The following NFU1 variants were observed in gnomAD, a reference collection of about 807,000 sequenced individuals.
NFU1 encodes NFU1 iron-sulfur cluster scaffold homolog, mitochondrial.
NFU1 carries 30 observed loss-of-function variants against 32.2 expected under a neutral mutation model. That is an observed-to-expected ratio of 0.93 (90% CI 0.70 to 1.26). The LOEUF is 1.26. Among genes scored for constraint, NFU1 ranks in the 50% most tolerant of loss-of-function variants. NFU1 has a pLI of 0.00. For missense variants in NFU1, 306 were observed against 306.6 expected (o/e 1.00, Z 0.02); for synonymous variants, 112 against 104.6 (o/e 1.07, Z -0.43).
chr2:69,427,397 G>C (rs1673496113), intron 2 of NFU1, among the ~76,000 whole-genome samples: 1 of 135,882 alleles, frequency 7.4e-6, no homozygotes, highest in East Asian at 2.2e-4. Flanking sequence ...AAAAAAAATA[G>C]AAGGCCAGGC....
rs114945138 is a variant in NFU1, at chr2:69,419,409, G to A, written c.369+129C>T. 3,110 of 644,754 alleles carry A rather than the reference G, an allele frequency of 4.8e-3. 67 individuals are homozygous for A. In the African/African-American group the frequency reaches 0.051, roughly 11 times the overall value. 39.9% of individuals were successfully genotyped at this position (644,754 alleles called of 1,614,324 possible). The stretch of plus-strand genomic sequence containing the variant: ...TGACATTTAGAGGACAAGAGAGTAA[G>A]ACCCTGTCTCAAAAATAAAATATAA... On this transcript the variant is annotated intron_variant, in intron 4 of 7. Coordinates refer to ENST00000410022, the MANE Select transcript of NFU1 (RefSeq NM_001002755.4).
intron 6 of NFU1, among the ~76,000 whole-genome samples, chr2:69,404,974 C>T (rs183370044): frequency 3.8e-4 from 57 of 151,884 alleles, no homozygotes; most frequent in Admixed American, 1.1e-3. Flanking sequence ...CTTGGCTGGG[C>T]GCAGTGGCTC....
intron 2 of NFU1, among the ~76,000 whole-genome samples, chr2:69,425,957 T>C (rs1216272220): frequency 2.0e-5 from 3 of 152,170 alleles, no homozygotes; most frequent in Non-Finnish European, 4.4e-5. Flanking sequence ...AATTACTTCC[T>C]GGAATATTTA....
intron 1 of NFU1, 96 bp from the exon 2 acceptor site, chr2:69,432,101 T>C: frequency 1.3e-6 from 1 of 764,360 alleles, no homozygotes; most frequent in Admixed American, 2.2e-5. Flanking sequence ...CTATGTAAAA[T>C]TTAAACATAA....
intron 1 of NFU1, among the ~76,000 whole-genome samples, chr2:69,436,195 A>G (rs184737741): frequency 9.7e-4 from 148 of 152,256 alleles, no homozygotes; most frequent in Middle Eastern, 3.4e-3. Flanking sequence ...CATCTCTACA[A>G]TGAGATTAGT....
rs373601321 is a variant in NFU1 at position 69,399,723 on chromosome 2, T to G, written c.720+641A>C. ...TGTGTTACATTTTAAACCTTTTTCA[T>G]AATTTTTGTGCAATCAGGGCAGCAA... is the stretch of plus-strand genomic sequence containing the variant. On this transcript the variant is annotated intron_variant, in intron 7 of 7. Transcript: ENST00000410022. 9.5e-4 allele frequency among the ~76,000 whole-genome samples: 144 copies of G among 152,288 alleles called. 2 individuals are homozygous for G. In the South Asian group the frequency reaches 0.028, roughly 29 times the overall value.
rs142553805 is a variant in NFU1, at chr2:69,415,272, G to A, written c.397C>T (p.Leu133=). 5.0e-6 allele frequency: 8 copies of A among 1,608,804 alleles called. No individual in the cohort carries two copies. The highest frequency in any genetic ancestry group is 6.8e-6 in the Non-Finnish European group (8 of 1,175,548). ...ATTGTTGCATAAATATCTGGTTTCAGTAAATTCCAGTCTAATTCTTCATTT... is the reference window on the plus strand; with the variant it reads ...ATTGTTGCATAAATATCTGGTTTCAATAAATTCCAGTCTAATTCTTCATTT... The part of the protein sequence containing the change: ...KENEELDWNL[L]KPDIYATIMD... The change falls in exon 5 of 8, where the codon CTG becomes TTG. Residue 133 remains leucine, a synonymous_variant. Coordinates refer to ENST00000410022, the MANE Select transcript of NFU1 (RefSeq NM_001002755.4).
chr2:69,411,269 A>C (rs1187534503), intron 5 of NFU1: 1 of 152,230 alleles, frequency 6.6e-6, no homozygotes, highest in Admixed American at 6.5e-5. Flanking sequence ...ATATGACAGT[A>C]TCTTTGTGAT....
intron 2 of NFU1, 29 bp downstream of exon 2, chr2:69,431,873 C>T (rs1673649909): frequency 4.5e-6 from 6 of 1,335,824 alleles, no homozygotes; most frequent in East Asian, 2.3e-5. Context: ...TTCTGAAACA[C>T]AACTGCTATA....
chr2:69,407,380 G>C (rs1672730078), intron 5 of NFU1, among the ~76,000 whole-genome samples: 1 of 152,072 alleles, frequency 6.6e-6, no homozygotes, highest in African/African-American at 2.4e-5. Flanking sequence ...TATTAACATT[G>C]AGTTTTTTAA....
At chr2:69,408,468 C>A (rs1672769900) in intron 5 of NFU1, among the ~76,000 whole-genome samples, 1 of 151,998 alleles carries the variant, frequency 6.6e-6, no homozygotes, top group African/African-American at 2.4e-5. Flanking sequence ...ACCTGTAATC[C>A]CAGCACTTTG....
At chr2:69,437,841 T>C (rs777595284), upstream of NFU1, among the ~76,000 whole-genome samples, 1 of 152,202 alleles carries the variant, frequency 6.6e-6, no homozygotes, top group African/African-American at 2.4e-5. Flanking sequence ...CCCTGGAGCA[T>C]TCCTTCTAAA....
intron 4 of NFU1, among the ~76,000 whole-genome samples, chr2:69,417,001 TG>T (rs1190332536): frequency 1.3e-5 from 2 of 152,134 alleles, no homozygotes; most frequent in Non-Finnish European, 2.9e-5. Flanking sequence ...TCTTAGTGAT[TG>T]GGAATGGAAA....
At chr2:69,437,530 C>T (rs746343158), upstream of NFU1, 20 of 1,399,876 alleles carry the variant, frequency 1.4e-5, no homozygotes, top group Non-Finnish European at 1.8e-5. Flanking sequence ...ACCCTACCGG[C>T]TGCGGGCGGT....
At chr2:69,418,792 C>T (rs1673144942) in intron 4 of NFU1, among the ~76,000 whole-genome samples, 1 of 152,062 alleles carries the variant, frequency 6.6e-6, no homozygotes, top group African/African-American at 2.4e-5. Flanking sequence ...CTTTTAAGGA[C>T]ATAAAGAGCT....
chr2:69,408,724 A>C (rs2104755793), intron 5 of NFU1, among the ~76,000 whole-genome samples: 1 of 142,408 alleles, frequency 7.0e-6, no homozygotes, highest in South Asian at 2.2e-4. Flanking sequence ...TCTCAAAAAA[A>C]TATAAAATTT....
At chr2:69,435,078 T>C (rs548254688) in intron 1 of NFU1, among the ~76,000 whole-genome samples, 5 of 152,250 alleles carry the variant, frequency 3.3e-5, no homozygotes, top group South Asian at 4.2e-4. Context: ...GCCAGAATAA[T>C]GGCTGGTAAT....
chr2:69,398,269 C>A (rs1439506030), intron 7 of NFU1, among the ~76,000 whole-genome samples: 1 of 152,132 alleles, frequency 6.6e-6, no homozygotes, highest in Admixed American at 6.6e-5. Flanking sequence ...AAAACAGATA[C>A]AGAAAGCTAC....
chr2:69,418,485 GAGATGC>G (rs1478592867), intron 4 of NFU1, among the ~76,000 whole-genome samples: 1 of 150,762 alleles, frequency 6.6e-6, no homozygotes, highest in Non-Finnish European at 1.5e-5. Flanking sequence ...TTTCTTTTTT[GAGATGC>G]AGTCTCGCTC....
Sources: allele counts gnomAD v4.1 joint callset (sites outside exome capture counted in the v4.1 genomes callset), GRCh38; gene constraint gnomAD v4.1.1; transcripts MANE v1.5; gene names NCBI Gene and HGNC (gene_info 2026-07-23, HGNC 2026-07-21).